NOL11: variants seen among roughly 807,000 people sequenced by gnomAD.
The protein encoded by NOL11 is nucleolar protein 11.
In NOL11, 42 loss-of-function variants were observed where a neutral mutation model predicts 93.0. The observed-to-expected ratio is 0.45, with a 90% CI of 0.35 to 0.58. The LOEUF (loss-of-function observed/expected upper bound fraction) is 0.58, where lower values mean the gene tolerates loss of function less well. Among genes scored for constraint, NOL11 ranks in the 20% least tolerant of loss-of-function variants. The pLI, the probability that NOL11 is intolerant of heterozygous loss-of-function variation, is 0.00. For synonymous variants in NOL11, 296 were observed against 293.7 expected, an observed-to-expected ratio of 1.01 and a Z score of -0.08; for missense variants, 775 against 841.8, an observed-to-expected ratio of 0.92 and a Z score of 0.98.
chr17:67,742,898 T>G (rs187878657), intron 16 of NOL11, among the ~76,000 whole-genome samples: 72 of 152,284 alleles, frequency 4.7e-4, no homozygotes, highest in South Asian at 2.3e-3. Flanking sequence ...GGTTATTTTT[T>G]TGTGTGTGTG....
At position 67,744,164 on chromosome 17, in the gene NOL11, A is replaced by T. The variant is rs2143154198; in HGVS notation, c.*305A>T. On this transcript the variant is annotated 3_prime_UTR_variant, in exon 18 of 18. Transcript: ENST00000253247. ...GTCTAATTTCTTATCATGTGTTTTG[A>T]ATTTTTTCTTTTAATAAAAAATGAC... is the stretch of plus-strand genomic sequence containing the variant. The T allele has an allele frequency of 1.2e-5, 2 of 161,596 alleles. No homozygotes were observed. Among genetic ancestry groups the T allele is most frequent in the African/African-American group, 4.8e-5 (2 of 41,960 alleles). The allele number at this position is 161,596 out of a possible 1,614,324, so 10.0% of individuals were successfully genotyped here. A position where few individuals can be genotyped will look rare whatever the true frequency, so the allele number is the denominator to read the frequency against.
intron 5 of NOL11, among the ~76,000 whole-genome samples, chr17:67,723,810 G>A (rs2055060026): frequency 6.6e-6 from 1 of 152,036 alleles, no homozygotes; most frequent in Non-Finnish European, 1.5e-5. Flanking sequence ...GGAGGCCGAG[G>A]TGGGAGGATT....
chr17:67,726,888 A>G (rs755311876), intron 7 of NOL11: 1 of 350,450 alleles, frequency 2.9e-6, no homozygotes, highest in Non-Finnish European at 5.1e-6. Flanking sequence ...TGTCATAAAG[A>G]AATAAAAATG....
At chr17:67,742,412 C>T (rs1368018745) in intron 16 of NOL11, among the ~76,000 whole-genome samples, 1 of 152,102 alleles carries the variant, frequency 6.6e-6, no homozygotes, top group Non-Finnish European at 1.5e-5. Flanking sequence ...TAAAAAGTTC[C>T]TTTTATATTA....
intron 16 of NOL11, among the ~76,000 whole-genome samples, chr17:67,740,981 A>G (rs1347556334): frequency 6.6e-6 from 1 of 152,148 alleles, no homozygotes; most frequent in Non-Finnish European, 1.5e-5. Flanking sequence ...TGGGGCAGAC[A>G]TGAATCCTGC....
intron 3 of NOL11, chr17:67,720,543 C>T: frequency 6.6e-6 from 1 of 152,422 alleles, no homozygotes; most frequent in South Asian, 2.1e-4. Flanking sequence ...TCAGATGATC[C>T]ACCCACCTCA....
intron 4 of NOL11, among the ~76,000 whole-genome samples, chr17:67,722,091 T>A (rs2043221220): frequency 6.6e-6 from 1 of 152,216 alleles, no homozygotes; most frequent in Admixed American, 6.5e-5. Context: ...AATAACCAGT[T>A]ATATATTAGA....
intron 4 of NOL11, 27 bp from the exon 5 acceptor site, chr17:67,722,553 T>C: frequency 6.4e-7 from 1 of 1,563,722 alleles, no homozygotes; most frequent in Non-Finnish European, 8.6e-7. Context: ...TTGCATCCTA[T>C]AATTTTTCTT....
At position 67,738,238 on chromosome 17, in the gene NOL11, G is replaced by T. The variant is rs2055221509; in HGVS notation, c.1646G>T (p.Gly549Val). 1 of 1,613,044 alleles carries T rather than the reference G, an allele frequency of 6.2e-7. No homozygotes were observed. The highest frequency in any genetic ancestry group is 1.7e-5 in the Admixed American group (1 of 59,996). ...GAGCAAACTGAAATTCTTCAAAATG[G>T]CTTCAATCCTGAAGAAGATAAATGC... ...MEEQTEILQN[G>V]FNPEEDKCNN... Residue 549 changes from glycine to valine, a missense_variant, in exon 14 of 18, where the codon GGC becomes GTC. This residue lies in a region of NOL11 where 416 missense variants were observed against 525.2 expected (regional missense o/e 0.79). Coordinates refer to ENST00000253247, the MANE Select transcript of NOL11 (RefSeq NM_015462.5).
At chr17:67,733,045 T>A (rs1296207278) in intron 7 of NOL11, among the ~76,000 whole-genome samples, 4 of 151,956 alleles carry the variant, frequency 2.6e-5, no homozygotes, top group Non-Finnish European at 4.4e-5. Context: ...CATCTGTGAG[T>A]AGAGTTAGTT....
At chr17:67,732,546 T>C (rs1364236112) in intron 7 of NOL11, among the ~76,000 whole-genome samples, 1 of 151,694 alleles carries the variant, frequency 6.6e-6, no homozygotes, top group African/African-American at 2.4e-5. Flanking sequence ...GATGCTAATA[T>C]ACATGGAATT....
chr17:67,728,489 C>G (rs1288656865), intron 7 of NOL11, among the ~76,000 whole-genome samples: 2 of 152,174 alleles, frequency 1.3e-5, no homozygotes, highest in Non-Finnish European at 2.9e-5. Flanking sequence ...GCTCTTAAGT[C>G]CTGGCTCTTG....
At chr17:67,722,696 T>C in intron 5 of NOL11, 59 bp downstream of exon 5, 1 of 1,517,786 alleles carries the variant, frequency 6.6e-7, no homozygotes, top group Non-Finnish European at 8.8e-7. Flanking sequence ...AAAAAAAAAT[T>C]TATTTAGAGA....
chr17:67,735,241 A>G (rs891579807), intron 8 of NOL11, among the ~76,000 whole-genome samples: 2 of 152,186 alleles, frequency 1.3e-5, no homozygotes, highest in Non-Finnish European at 2.9e-5. Flanking sequence ...TAGTGAATGA[A>G]TATTCATATA....
In NOL11 at chr17:67,738,221, T is replaced by C. The variant is rs749857210; in HGVS notation, c.1629T>C (p.Thr543=). 9.9e-6 allele frequency: 16 copies of C among 1,613,274 alleles called. No homozygotes were observed. Among genetic ancestry groups the C allele is most frequent in the Admixed American group, 1.7e-5 (1 of 60,020 alleles). Residue 543 remains threonine (T), a synonymous_variant, in exon 14 of 18, where the codon ACT becomes ACC. Transcript: ENST00000253247. ...SVHDEKMEEQ[T]EILQNGFNPE... is the part of the protein sequence containing the mutation. ...ATGATGAGAAAATGGAAGAGCAAAC[T>C]GAAATTCTTCAAAATGGCTTCAATC...
intron 14 of NOL11, 31 bp downstream of exon 14, chr17:67,738,386 TC>T: frequency 6.9e-7 from 1 of 1,449,622 alleles, no homozygotes; most frequent in East Asian, 2.3e-5. Flanking sequence ...TCCCTCTGTT[TC>T]TCTTTATAGG....
In NOL11 at chr17:67,736,705, C is replaced by T. The variant is rs1472706556; in HGVS notation, c.1094C>T (p.Pro365Leu). Residue 365 changes from proline to leucine, a missense_variant, in exon 10 of 18, where the codon CCT becomes CTT. Physicochemically the swap from Pro to Leu is moderately conservative, Grantham distance 98. This residue lies in a region of NOL11 where 416 missense variants were observed against 525.2 expected (regional missense o/e 0.79). Transcript: ENST00000253247. ...TCCCATTTTGTAAACTGGGAGACAC[C>T]TCAAGGATGTGGACTTGGGTTCCAG... Reference protein sequence around the residue: ...VVSHFVNWETPQGCGLGFQNS... With the variant: ...VVSHFVNWETLQGCGLGFQNS... 2 of 1,613,186 alleles carry T rather than the reference C, an allele frequency of 1.2e-6. No homozygotes were observed. The highest frequency in any genetic ancestry group is 3.3e-5 in the Admixed American group (2 of 59,912).
intron 7 of NOL11, among the ~76,000 whole-genome samples, chr17:67,729,150 A>G (rs1460237670): frequency 6.6e-6 from 1 of 151,326 alleles, no homozygotes; most frequent in Non-Finnish European, 1.5e-5. Context: ...GGTGGAGTGC[A>G]GTGGCGGGAT....
chr17:67,718,748 T>G (rs1359444456), intron 1 of NOL11, among the ~76,000 whole-genome samples: 1 of 152,246 alleles, frequency 6.6e-6, no homozygotes, highest in Non-Finnish European at 1.5e-5. Flanking sequence ...TTCTCTGGGC[T>G]GCTGAACATA....
Sources: gnomAD v4.1 joint callset for allele counts (sites outside exome capture counted in the v4.1 genomes callset) on GRCh38, gnomAD v4.1.1 for gene constraint, gnomAD v4.1.1 regional missense constraint, MANE v1.5 for transcripts, NCBI Gene and HGNC (gene_info 2026-07-23, HGNC 2026-07-21) for gene names.